Variants in PRDM5 observed in about 807,000 individuals in gnomAD.
The protein encoded by PRDM5 is PR/SET domain 5.
Under a neutral mutation model 81.2 loss-of-function variants are expected in PRDM5, and 56 were observed. The observed-to-expected ratio is 0.69, with a 90% CI of 0.56 to 0.86. The LOEUF (loss-of-function observed/expected upper bound fraction) is 0.86. Among genes scored for constraint, PRDM5 ranks in the 40% least tolerant of loss-of-function variants. PRDM5 has a pLI of 0.00. For missense variants in PRDM5, 697 were observed against 770.1 expected (o/e 0.91, Z 1.12); for synonymous variants, 267 against 256.4 (o/e 1.04, Z -0.39).
intron 13 of PRDM5, among the ~76,000 whole-genome samples, chr4:120,766,516 A>G (rs930993434): frequency 1.3e-5 from 2 of 152,228 alleles, no homozygotes; most frequent in Non-Finnish European, 2.9e-5. Context: ...TATAGTTTCT[A>G]TGTTAAAGTT....
At chr4:120,722,884 G>C (rs990759000) in intron 14 of PRDM5, among the ~76,000 whole-genome samples, 1 of 152,308 alleles carries the variant, frequency 6.6e-6, no homozygotes, top group Non-Finnish European at 1.5e-5. Context: ...AGCTGGCTGA[G>C]GACAGCAGGA....
chr4:120,741,934 AG>A (rs1270099883), intron 14 of PRDM5, among the ~76,000 whole-genome samples: 1 of 152,224 alleles, frequency 6.6e-6, no homozygotes, highest in East Asian at 1.9e-4. Flanking sequence ...CCACAGCTCA[AG>A]GAGGCCTGCC....
chr4:120,823,465 T>C (rs879877014), intron 3 of PRDM5, among the ~76,000 whole-genome samples: 10 of 152,246 alleles, frequency 6.6e-5, no homozygotes, highest in Admixed American at 6.5e-5. Flanking sequence ...CTTCAATCTA[T>C]TTATTTAATG....
chr4:120,911,628 T>C (rs1040373468), intron 1 of PRDM5, among the ~76,000 whole-genome samples: 1 of 152,214 alleles, frequency 6.6e-6, no homozygotes, highest in African/African-American at 2.4e-5. Context: ...ACTGCAGATA[T>C]CTCTCTCAGA....
At chr4:120,806,086 C>T (rs978079013) in intron 8 of PRDM5, among the ~76,000 whole-genome samples, 3 of 152,166 alleles carry the variant, frequency 2.0e-5, no homozygotes, top group African/African-American at 4.8e-5. Context: ...CATGAGTGAA[C>T]TCCCATTCAC....
chr4:120,785,880 T>G (rs938265884), intron 10 of PRDM5, among the ~76,000 whole-genome samples: 8 of 151,882 alleles, frequency 5.3e-5, no homozygotes, highest in African/African-American at 1.9e-4. Flanking sequence ...GAAAAGCCAC[T>G]AACTAGATCT....
chr4:120,786,588 A>G (rs2149252970), intron 10 of PRDM5, among the ~76,000 whole-genome samples: 1 of 152,294 alleles, frequency 6.6e-6, no homozygotes, highest in East Asian at 1.9e-4. Flanking sequence ...GATAAATTGC[A>G]AATCAATTTA....
intron 13 of PRDM5, among the ~76,000 whole-genome samples, chr4:120,773,904 TTC>T (rs917701887): frequency 6.6e-6 from 1 of 152,200 alleles, no homozygotes; most frequent in African/African-American, 2.4e-5. Context: ...GTAAAACAAC[TTC>T]TCTTTTCACA....
At chr4:120,717,843 T>G (rs1419226357) in intron 14 of PRDM5, among the ~76,000 whole-genome samples, 1 of 152,118 alleles carries the variant, frequency 6.6e-6, no homozygotes, top group Non-Finnish European at 1.5e-5. Flanking sequence ...TCAAATAAAA[T>G]GGAAAATAAA....
At position 120,922,528 on chromosome 4, in the gene PRDM5, G is replaced by T; in HGVS notation, c.81C>A (p.Arg27=). Residue 27 remains arginine, a synonymous_variant, in exon 1 of 16, where the codon CGC becomes CGA. Transcript: ENST00000264808. ...VQDGMGLYTA[R]RVRKGEKFGP... ...CCGGGTCACCCACCTTTCGCACTCT[G>T]CGGGCCGTGTAGAGCCCCATGCCGT... 1 of 1,606,972 alleles carries T rather than the reference G, an allele frequency of 6.2e-7. No homozygotes were observed. Among genetic ancestry groups the T allele is most frequent in the Non-Finnish European group, 8.5e-7 (1 of 1,177,426 alleles).
chr4:120,862,612 G>A (rs1760730852), intron 2 of PRDM5, among the ~76,000 whole-genome samples: 2 of 152,168 alleles, frequency 1.3e-5, no homozygotes, highest in South Asian at 4.1e-4. Context: ...GTGGGCATGG[G>A]AGAACTTGGC....
At chr4:120,713,948 G>T (rs1351470621) in intron 14 of PRDM5, among the ~76,000 whole-genome samples, 1 of 152,064 alleles carries the variant, frequency 6.6e-6, no homozygotes, top group African/African-American at 2.4e-5. Flanking sequence ...GGTCTCTTCA[G>T]TTCCTTATAA....
At chr4:120,885,752 C>T (rs1217455315) in intron 2 of PRDM5, 1 of 151,120 alleles carries the variant, frequency 6.6e-6, no homozygotes, top group Non-Finnish European at 1.5e-5. Context: ...TGAGATCACA[C>T]CACTGCACTC....
intron 14 of PRDM5, among the ~76,000 whole-genome samples, chr4:120,719,549 A>T (rs944555856): frequency 6.6e-6 from 1 of 152,214 alleles, no homozygotes; most frequent in Admixed American, 6.5e-5. Context: ...TAGGATGCCC[A>T]TAATTCAATT....
chr4:120,842,812 A>G (rs1758177062), intron 3 of PRDM5, among the ~76,000 whole-genome samples: 1 of 152,256 alleles, frequency 6.6e-6, no homozygotes, highest in Non-Finnish European at 1.5e-5. Flanking sequence ...CACCAATCCT[A>G]TTACAACCAA....
intron 3 of PRDM5, among the ~76,000 whole-genome samples, chr4:120,830,363 C>G (rs1578905256): frequency 2.0e-5 from 3 of 152,190 alleles, no homozygotes; most frequent in Admixed American, 2.0e-4. Context: ...CCGCCGCTCT[C>G]TTTCCCCTCT....
chr4:120,702,446 T>C (rs1185226964), intron 15 of PRDM5, among the ~76,000 whole-genome samples: 1 of 152,220 alleles, frequency 6.6e-6, no homozygotes, highest in Admixed American at 6.5e-5. Flanking sequence ...CTCTGTTAAA[T>C]GCTCTCATAG....
intron 1 of PRDM5, among the ~76,000 whole-genome samples, chr4:120,908,262 G>C (rs1040455383): frequency 1.1e-4 from 17 of 152,226 alleles, no homozygotes; most frequent in African/African-American, 4.1e-4. Context: ...TCTCTCTAAA[G>C]TGACCAAAGC....
intron 1 of PRDM5, among the ~76,000 whole-genome samples, chr4:120,685,860 A>G (rs778856607): frequency 1.1e-4 from 16 of 151,894 alleles, no homozygotes; most frequent in Non-Finnish European, 1.9e-4. Context: ...TAGTTTGGAT[A>G]TGTATCCTCT....
Sources: allele counts gnomAD v4.1 joint callset (sites outside exome capture counted in the v4.1 genomes callset), GRCh38; gene constraint gnomAD v4.1.1; transcripts MANE v1.5; gene names NCBI Gene and HGNC (gene_info 2026-07-23, HGNC 2026-07-21).